The following CAMK1D variants were observed in gnomAD, a reference collection of about 807,000 sequenced individuals.
CAMK1D encodes calcium/calmodulin-dependent protein kinase type 1D.
Under a neutral mutation model 47.7 loss-of-function variants are expected in CAMK1D, and 9 were observed. The ratio of observed to expected loss-of-function variants is 0.19; its 90% CI spans 0.11 to 0.33. The LOEUF (loss-of-function observed/expected upper bound fraction) is 0.33. Among genes scored for constraint, CAMK1D ranks in the 10% least tolerant of loss-of-function variants. The probability of loss-of-function intolerance (pLI) is 1.00; values close to 1 mark genes in which losing one functional copy is unlikely to be tolerated. For missense variants in CAMK1D, 291 were observed against 488.7 expected (o/e 0.60, Z 3.81); for synonymous variants, 184 against 184.9 (o/e 0.99, Z 0.04).
At chr10:12,717,012 A>G (rs968979340) in intron 3 of CAMK1D, among the ~76,000 whole-genome samples, 1 of 152,212 alleles carries the variant, frequency 6.6e-6, no homozygotes, top group African/African-American at 2.4e-5. Context: ...TTTTAAATGT[A>G]TTGGTCAGTG....
chr10:12,475,615 C>T (rs764337423), intron 1 of CAMK1D, among the ~76,000 whole-genome samples: 3 of 152,132 alleles, frequency 2.0e-5, no homozygotes, highest in Non-Finnish European at 2.9e-5. Context: ...GTTTGAGACC[C>T]TTCCTGCAGT....
rs1352413701 is a variant in CAMK1D, at chr10:12,834,679, A to G, written c.*5792A>G. 2.6e-5 allele frequency: 4 copies of G among 151,604 alleles called. No homozygotes were observed. The highest frequency in any genetic ancestry group is 5.9e-5 in the Non-Finnish European group (4 of 67,894). 9.4% of individuals were successfully genotyped at this position (151,604 alleles called of 1,614,324 possible). On this transcript the variant is annotated 3_prime_UTR_variant, in exon 11 of 11. Transcript: ENST00000619168. ...GCCATGTTATTTTAAAGGTGATTTT[A>G]TTTTCTTATGGACAGGAAAAAAGAA...
chr10:12,401,247 TA>T (rs1564315990), intron 1 of CAMK1D, among the ~76,000 whole-genome samples: 4 of 38,120 alleles, frequency 1.0e-4, no homozygotes, highest in African/African-American at 4.4e-4. Context: ...TTTATATATA[TA>T]TAATATATGT....
chr10:12,764,109 G>A (rs538972022), intron 4 of CAMK1D, among the ~76,000 whole-genome samples: 23 of 152,282 alleles, frequency 1.5e-4, no homozygotes, highest in Middle Eastern at 6.8e-3. Context: ...GGCTGGGCGC[G>A]GAGGCTCACG....
chr10:12,773,726 C>G (rs1328076427), intron 5 of CAMK1D, among the ~76,000 whole-genome samples: 1 of 152,056 alleles, frequency 6.6e-6, no homozygotes, highest in East Asian at 1.9e-4. Context: ...AACCCTGTCT[C>G]TACTAAAAAT....
chr10:12,413,948 T>A (rs551839167), intron 1 of CAMK1D, among the ~76,000 whole-genome samples: 18 of 152,318 alleles, frequency 1.2e-4, no homozygotes, highest in Admixed American at 9.8e-4. Context: ...CACCTTAAAA[T>A]GAGGGTCTTT....
chr10:12,827,362 CTT>C, intron 10 of CAMK1D, among the ~76,000 whole-genome samples: 1 of 50,218 alleles, frequency 2.0e-5, no homozygotes, highest in Non-Finnish European at 4.7e-5. Flanking sequence ...TCCTTTCTTT[CTT>C]TCTCTTTCTT....
chr10:12,712,995 A>C (rs1478887578), intron 3 of CAMK1D, among the ~76,000 whole-genome samples: 2 of 152,118 alleles, frequency 1.3e-5, no homozygotes, highest in African/African-American at 4.8e-5. Context: ...ATACTTCTCC[A>C]TGGAAAAGAT....
At chr10:12,534,955 A>G (rs531892127) in intron 1 of CAMK1D, among the ~76,000 whole-genome samples, 42 of 152,318 alleles carry the variant, frequency 2.8e-4, no homozygotes, top group Non-Finnish European at 5.1e-4. Context: ...GTGGCCACAG[A>G]TAACTGCAAG....
intron 1 of CAMK1D, among the ~76,000 whole-genome samples, chr10:12,469,526 C>T (rs908647285): frequency 6.6e-6 from 1 of 152,072 alleles, no homozygotes; most frequent in Non-Finnish European, 1.5e-5. Context: ...ACAGTCATGG[C>T]AAATAAACAA....
chr10:12,748,529 A>T (rs951440423), intron 3 of CAMK1D, among the ~76,000 whole-genome samples: 3 of 152,140 alleles, frequency 2.0e-5, no homozygotes, highest in African/African-American at 7.2e-5. Flanking sequence ...GCTTTCTGGA[A>T]TGTGAATAAA....
intron 1 of CAMK1D, among the ~76,000 whole-genome samples, chr10:12,353,113 C>T (rs1837400962): frequency 6.6e-6 from 1 of 152,096 alleles, no homozygotes. Context: ...GTGACTCTGG[C>T]CCGAGTCTTA....
rs34250007 is a variant in CAMK1D at position 12,528,736 on chromosome 10, C to CTTTT, written c.93-24476_93-24473dup. On this transcript the variant is annotated intron_variant, in intron 1 of 10. Transcript: ENST00000619168. ...AGAGGTAAAGTGAGGAAATCCTCAT[C>CTTTT]TTTTTTTTTTTTTTTTCTTTTTGGA... 2.8e-3 allele frequency among the ~76,000 whole-genome samples: 385 copies of CTTTT among 137,806 alleles called. 9 individuals are homozygous for CTTTT. Among genetic ancestry groups the CTTTT allele is most frequent in the South Asian group, 4.0e-3 (17 of 4,298 alleles). The allele number at this position is 137,806 out of a possible 152,430, so 90.4% of individuals were successfully genotyped here.
chr10:12,440,371 G>A (rs111486731), intron 1 of CAMK1D, among the ~76,000 whole-genome samples: 2,327 of 150,164 alleles, frequency 0.015, 22 homozygotes, highest in South Asian at 0.042. Flanking sequence ...TACAGCCTCC[G>A]CCTTCCGGAG....
chr10:12,827,239 C>T (rs934123172), intron 10 of CAMK1D, among the ~76,000 whole-genome samples: 3 of 149,730 alleles, frequency 2.0e-5, no homozygotes, highest in Non-Finnish European at 4.4e-5. Context: ...TTCCTTCCCT[C>T]CCTCCCTTCT....
chr10:12,695,893 A>G (rs1833275320), intron 3 of CAMK1D, among the ~76,000 whole-genome samples: 1 of 152,114 alleles, frequency 6.6e-6, no homozygotes, highest in African/African-American at 2.4e-5. Flanking sequence ...CCAGGCCAAC[A>G]TAGTGAAACC....
intron 1 of CAMK1D, among the ~76,000 whole-genome samples, chr10:12,380,481 C>T (rs998636028): frequency 3.9e-5 from 6 of 152,110 alleles, no homozygotes; most frequent in African/African-American, 1.4e-4. Flanking sequence ...CATAATTGCA[C>T]TTCAGTTTTT....
At chr10:12,448,042 C>G (rs759011730) in intron 1 of CAMK1D, among the ~76,000 whole-genome samples, 4 of 142,188 alleles carry the variant, frequency 2.8e-5, no homozygotes, top group Non-Finnish European at 4.7e-5. Context: ...TTAGTAGAGA[C>G]AGGGTTTCAC....
chr10:12,527,551 A>G (rs1835666598), intron 1 of CAMK1D, among the ~76,000 whole-genome samples: 1 of 151,898 alleles, frequency 6.6e-6, no homozygotes, highest in Non-Finnish European at 1.5e-5. Context: ...TATTTTTAGT[A>G]GAGACAGGGT....
Sources: gnomAD v4.1 joint callset for allele counts (sites outside exome capture counted in the v4.1 genomes callset) on GRCh38, gnomAD v4.1.1 for gene constraint, MANE v1.5 for transcripts, NCBI Gene and HGNC (gene_info 2026-07-23, HGNC 2026-07-21) for gene names.